PPP1R15B: variants seen among roughly 807,000 people sequenced by gnomAD.
PPP1R15B encodes the protein protein phosphatase 1, regulatory (inhibitor) subunit 15B.
PPP1R15B carries 31 observed loss-of-function variants against 53.9 expected under a neutral mutation model. The ratio of observed to expected loss-of-function variants is 0.58; its 90% CI spans 0.43 to 0.78. The LOEUF (loss-of-function observed/expected upper bound fraction) is 0.78. PPP1R15B is among the 30% of genes least tolerant of loss of function. PPP1R15B has a pLI of 0.00. For missense variants in PPP1R15B, 928 were observed against 849.6 expected, an observed-to-expected ratio of 1.09 and a Z score of -1.15; for synonymous variants, 345 against 329.1, an observed-to-expected ratio of 1.05 and a Z score of -0.52.
At chr1:204,402,342 T>C (rs968404642), downstream of PPP1R15B, among the ~76,000 whole-genome samples, 3 of 152,146 alleles carry the variant, frequency 2.0e-5, no homozygotes, top group African/African-American at 7.2e-5. Flanking sequence ...GGAGTAAAAA[T>C]TTTTTTCTGA....
chr1:204,410,448 A>C lies in PPP1R15B; in HGVS notation c.964T>G (p.Tyr322Asp). The C allele has an allele frequency of 6.2e-7, 1 of 1,614,198 alleles. No homozygotes were observed. Among genetic ancestry groups the C allele is most frequent in the Non-Finnish European group, 8.5e-7 (1 of 1,180,018 alleles). ...CTGTGTTCCTCCTCCAGGCTGTGGT[A>C]GCCATTATCCTGGTCAGGGGTGGGT... The part of the protein sequence containing the change: ...DLPTPDQDNG[Y>D]HSLEEEHSLL... The change falls in exon 1 of 2, where the codon TAC becomes GAC. Residue 322 changes from tyrosine (Y) to aspartate (D), a missense_variant. Physicochemically the swap from Tyr to Asp is radical, Grantham distance 160. Transcript: ENST00000367188.
chr1:204,409,715 T>C lies in PPP1R15B; in HGVS notation c.1697A>G (p.Tyr566Cys). 1.2e-6 allele frequency: 2 copies of C among 1,614,108 alleles called. No homozygotes were observed. Among genetic ancestry groups the C allele is most frequent in the South Asian group, 1.1e-5 (1 of 91,082 alleles). ...AGGAGCCTTAAAATTTAAAGGGTTG[T>C]AGGGGTCATCAGAATTACAGAATGA... Reference protein sequence around the residue: ...WNSFCNSDDPYNPLNFKAPFQ... With the variant: ...WNSFCNSDDPCNPLNFKAPFQ... The change falls in exon 1 of 2, where the codon TAC becomes TGC. Residue 566 changes from tyrosine to cysteine, a missense_variant. By Grantham distance (194) the Tyr-to-Cys change is radical. Transcript: ENST00000367188.
chr1:204,402,701 C>A (rs1199845086), downstream of PPP1R15B, among the ~76,000 whole-genome samples: 1 of 151,680 alleles, frequency 6.6e-6, no homozygotes, highest in South Asian at 2.1e-4. Context: ...GAATTACAGG[C>A]GTGAGCCACC....
In PPP1R15B at chr1:204,406,211, G is replaced by T. The variant is rs1384939951; in HGVS notation, c.2023C>A (p.Arg675=). The change falls in exon 2 of 2, where the codon CGA becomes AGA. Residue 675 remains arginine (R), a synonymous_variant. Coordinates refer to ENST00000367188, the MANE Select transcript of PPP1R15B (RefSeq NM_032833.5). The part of the protein sequence containing the change: ...FARDGCRFQK[R]IQETEDAIGY... The stretch of plus-strand genomic sequence containing the variant: ...ATAGCATCTTCTGTTTCTTGAATTC[G>T]TTTCTGGAACCTGCATCCATCCCTT... 1.2e-6 allele frequency: 2 copies of T among 1,613,958 alleles called. No individual in the cohort carries two copies. Among genetic ancestry groups the T allele is most frequent in the East Asian group, 2.2e-5 (1 of 44,878 alleles).
intron 1 of PPP1R15B, among the ~76,000 whole-genome samples, chr1:204,407,705 C>T (rs1327653895): frequency 6.6e-6 from 1 of 151,982 alleles, no homozygotes; most frequent in Non-Finnish European, 1.5e-5. Flanking sequence ...TTTTAAAGAG[C>T]TTTACATTTT....
Position 204,405,914 on chromosome 1 carries a change from G to C in PPP1R15B, c.*178C>G. The C allele has an allele frequency of 7.1e-7, 1 of 1,400,876 alleles. No individual in the cohort carries two copies. The highest frequency in any genetic ancestry group is 1.6e-5 in the South Asian group (1 of 61,872). The allele number at this position is 1,400,876 out of a possible 1,614,324, so 86.8% of individuals were successfully genotyped here. A position where few individuals can be genotyped will look rare whatever the true frequency, so the allele number is the denominator to read the frequency against. ...TAGTTCATCCTTCATTATCAGGGCT[G>C]GCTTCAAACCTGAATGTTTCTGAGT... On this transcript the variant is annotated 3_prime_UTR_variant, in exon 2 of 2. Coordinates refer to ENST00000367188, the MANE Select transcript of PPP1R15B (RefSeq NM_032833.5).
chr1:204,401,783 C>T (rs1336030080), downstream of PPP1R15B, among the ~76,000 whole-genome samples: 2 of 151,982 alleles, frequency 1.3e-5, no homozygotes, highest in Non-Finnish European at 2.9e-5. Flanking sequence ...TAGCTGAGTG[C>T]GGTGGTGTGC....
At chr1:204,407,073 T>C (rs574660203) in intron 1 of PPP1R15B, among the ~76,000 whole-genome samples, 1 of 152,346 alleles carries the variant, frequency 6.6e-6, no homozygotes, top group Non-Finnish European at 1.5e-5. Flanking sequence ...AAATAACCAC[T>C]ATATCCCTGG....
At position 204,411,224 on chromosome 1, in the gene PPP1R15B, C is replaced by T; in HGVS notation, c.188G>A (p.Trp63Ter). 2.5e-6 allele frequency: 4 copies of T among 1,614,236 alleles called. No individual in the cohort carries two copies. The highest frequency in any genetic ancestry group is 3.4e-6 in the Non-Finnish European group (4 of 1,180,044). The change falls in exon 1 of 2, where the codon TGG (tryptophan) becomes TAG (stop). Residue 63 changes from tryptophan (W) to a stop codon, truncating the protein, a stop_gained. Transcript: ENST00000367188. LOFTEE classifies it high-confidence loss of function. ...AAGGAGCTGGGAGAGCAGTTTCGTC[C>T]AGTAACTGACCCGAGTCTCGGGCTG... ...SAQPETRVSY[W>*]TKLLSQLLAP...
At chr1:204,398,938 T>C (rs753290469), downstream of PPP1R15B, among the ~76,000 whole-genome samples, 5 of 152,256 alleles carry the variant, frequency 3.3e-5, no homozygotes, top group African/African-American at 2.4e-5. Flanking sequence ...AATTAATGGA[T>C]GTGGTATACC....
chr1:204,399,942 G>GC (rs1044113533), downstream of PPP1R15B, among the ~76,000 whole-genome samples: 2 of 151,984 alleles, frequency 1.3e-5, no homozygotes, highest in Non-Finnish European at 2.9e-5. Flanking sequence ...TGCCTTCAGA[G>GC]CCCATTAAGA....
At position 204,409,538 on chromosome 1, in the gene PPP1R15B, C is replaced by T. The variant is rs747085464; in HGVS notation, c.1874G>A (p.Arg625His). Residue 625 changes from arginine (R) to histidine (H), a missense_variant, in exon 1 of 2, where the codon CGT (arginine) becomes CAT (histidine). By Grantham distance (29) the Arg-to-His change is conservative. Transcript: ENST00000367188. Reference sequence around the variant, plus strand: ...GTGTCTTCCTCCAGAAAGAACGTCACGCTGTACCGAGTCTGGACATTCACT... The same window carrying T: ...GTGTCTTCCTCCAGAAAGAACGTCATGCTGTACCGAGTCTGGACATTCACT... Reference protein sequence around the residue: ...QESECPDSVQRDVLSGGRHTH... With the variant: ...QESECPDSVQHDVLSGGRHTH... 17 of 1,613,874 alleles carry T rather than the reference C, an allele frequency of 1.1e-5. No individual in the cohort carries two copies. The highest frequency in any genetic ancestry group is 1.3e-5 in the Non-Finnish European group (15 of 1,179,976).
chr1:204,407,905 T>C (rs938268985), intron 1 of PPP1R15B, among the ~76,000 whole-genome samples: 3 of 152,182 alleles, frequency 2.0e-5, no homozygotes, highest in African/African-American at 7.2e-5. Flanking sequence ...AATAATTATA[T>C]CATATTCAGA....
chr1:204,409,205 G>A (rs1476501319), intron 1 of PPP1R15B, among the ~76,000 whole-genome samples: 1 of 152,178 alleles, frequency 6.6e-6, no homozygotes, highest in Non-Finnish European at 1.5e-5. Flanking sequence ...AAAAATTGAA[G>A]CTTGTAAGGA....
In PPP1R15B at chr1:204,403,866, C is replaced by T; in HGVS notation, c.*2226G>A. 1 of 985,736 alleles carries T rather than the reference C, an allele frequency of 1.0e-6. No individual in the cohort carries two copies. The highest frequency in any genetic ancestry group is 1.2e-6 in the Non-Finnish European group (1 of 829,912). The allele number at this position is 985,736 out of a possible 1,614,324, so 61.1% of individuals were successfully genotyped here. A position where few individuals can be genotyped will look rare whatever the true frequency, so the allele number is the denominator to read the frequency against. ...TCTTATCACCTTCTGATCACTTCTT[C>T]CAAGGAGGCTAGTATATGGAAGAAC... is the stretch of plus-strand genomic sequence containing the variant. On this transcript the variant is annotated 3_prime_UTR_variant, in exon 2 of 2. Transcript: ENST00000367188.
rs1674377416 is a variant in PPP1R15B at position 204,411,429 on chromosome 1, T to A, written c.-18A>T. 1 of 1,604,982 alleles carries A rather than the reference T, an allele frequency of 6.2e-7. No homozygotes were observed. The highest frequency in any genetic ancestry group is 8.5e-7 in the Non-Finnish European group (1 of 1,177,530). On this transcript the variant is annotated 5_prime_UTR_variant, in exon 1 of 2. Transcript: ENST00000367188. ...GGCTCCATCTCCTTTTTCTTGACAG[T>A]CTCTCAGGTAGGGCCGCGGCGCTCA... is the stretch of plus-strand genomic sequence containing the variant.
At position 204,410,715 on chromosome 1, in the gene PPP1R15B, T is replaced by C. The variant is rs749274275; in HGVS notation, c.697A>G (p.Arg233Gly). The change falls in exon 1 of 2, where the codon AGG (arginine) becomes GGG (glycine). Residue 233 changes from arginine (R) to glycine (G), a missense_variant. Arg to Gly is a moderately radical substitution (Grantham distance 125). Coordinates refer to ENST00000367188, the MANE Select transcript of PPP1R15B (RefSeq NM_032833.5). ...CTGTTCTGATAGCTGACTTCTAGCCTAGGAAAGCAGTCCAGGTAGGAAGGG... is the reference window on the plus strand; with the variant it reads ...CTGTTCTGATAGCTGACTTCTAGCCCAGGAAAGCAGTCCAGGTAGGAAGGG... ...LNPSYLDCFP[R>G]LEVSYQNSDG... is the part of the protein sequence containing the mutation. 5 of 1,614,106 alleles carry C rather than the reference T, an allele frequency of 3.1e-6. No individual in the cohort carries two copies. The highest frequency in any genetic ancestry group is 3.3e-5 in the Admixed American group (2 of 60,004).
Position 204,410,935 on chromosome 1 carries a change from C to T in PPP1R15B, c.477G>A (p.Glu159=). Residue 159 remains glutamate (E), a synonymous_variant, in exon 1 of 2, where the codon GAG becomes GAA. Transcript: ENST00000367188. ...CCAAAGCACTTCCCTTGGCCTTAAG[C>T]TCCAATTTTAGGTCTGGGGGCGAGT... The part of the protein sequence containing the change: ...WQYSPPDLKL[E]LKAKGSALDP... 1 of 1,614,042 alleles carries T rather than the reference C, an allele frequency of 6.2e-7. No individual in the cohort carries two copies. Among genetic ancestry groups the T allele is most frequent in the Non-Finnish European group, 8.5e-7 (1 of 1,179,966 alleles).
chr1:204,409,692 G>A lies in PPP1R15B; in HGVS notation c.1720C>T (p.Pro574Ser). 2 of 1,614,092 alleles carry A rather than the reference G, an allele frequency of 1.2e-6. No homozygotes were observed. The highest frequency in any genetic ancestry group is 1.7e-6 in the Non-Finnish European group (2 of 1,180,026). Residue 574 changes from proline (P) to serine (S), a missense_variant, in exon 1 of 2, where the codon CCT (proline) becomes TCT (serine). Transcript: ENST00000367188. ...DPYNPLNFKA[P>S]FQTSGENEKG... The stretch of plus-strand genomic sequence containing the variant: ...TCATTTTCCCCTGATGTTTGAAAAG[G>A]AGCCTTAAAATTTAAAGGGTTGTAG...
Sources: gnomAD v4.1 joint callset for allele counts (sites outside exome capture counted in the v4.1 genomes callset) on GRCh38, gnomAD v4.1.1 for gene constraint, MANE v1.5 for transcripts, NCBI Gene and HGNC (gene_info 2026-07-23, HGNC 2026-07-21) for gene names.